Variants in FERMT3 observed in about 807,000 individuals in gnomAD.
FERMT3 encodes the protein FERM domain containing kindlin 3.
In FERMT3, 33 loss-of-function variants were observed where a neutral mutation model predicts 80.8. The observed-to-expected ratio is 0.41, with a 90% CI of 0.31 to 0.55. The LOEUF (loss-of-function observed/expected upper bound fraction) is 0.55. FERMT3 is among the 20% of genes least tolerant of loss of function. The probability of loss-of-function intolerance (pLI) is 0.31; values close to 1 mark genes in which losing one functional copy is unlikely to be tolerated. For missense variants in FERMT3, 754 were observed against 908.7 expected (o/e 0.83, Z 2.19); for synonymous variants, 375 against 372.2 (o/e 1.01, Z -0.09).
chr11:64,206,141 G>A (rs1453921858), upstream of FERMT3, among the ~76,000 whole-genome samples: 1 of 152,204 alleles, frequency 6.6e-6, no homozygotes, highest in Non-Finnish European at 1.5e-5. Context: ...CTGAGGGCCC[G>A]GGAGGTTGTG....
In FERMT3 at chr11:64,219,383, AGG is replaced by A; in HGVS notation, c.894+27_894+28del. ...GGTACCAGGCGGGCCTGGGGGCACC[AGG>A]GCAGGTGGGAGGTGAGCCAGTCCCA... On this transcript the variant is annotated intron_variant, in intron 7 of 14. Transcript: ENST00000345728. This position sits in a 1 kb window ranked among gnomAD's most constrained non-coding sequence, Gnocchi z 4.0. 6.3e-7 allele frequency: 1 copy of A among 1,576,514 alleles called. No individual in the cohort carries two copies. The highest frequency in any genetic ancestry group is 8.6e-7 in the Non-Finnish European group (1 of 1,161,828).
At position 64,220,666 on chromosome 11, in the gene FERMT3, G is replaced by A. The variant is rs2134886600; in HGVS notation, c.1542G>A (p.Lys514=). 6.2e-7 allele frequency: 1 copy of A among 1,609,978 alleles called. No homozygotes were observed. Among genetic ancestry groups the A allele is most frequent in the East Asian group, 2.2e-5 (1 of 44,816 alleles). Residue 514 remains lysine (K), a synonymous_variant, in exon 12 of 15, where the codon AAG becomes AAA. Coordinates refer to ENST00000345728, the MANE Select transcript of FERMT3 (RefSeq NM_031471.6). The part of the protein sequence containing the change: ...APRFQRKFKA[K]QLTPRILEAH... ...GTTTCCAGCGAAAGTTCAAGGCCAAGCAGGTACCAGAAGGCGTCAGGGTGG... is the reference window on the plus strand; with the variant it reads ...GTTTCCAGCGAAAGTTCAAGGCCAAACAGGTACCAGAAGGCGTCAGGGTGG...
chr11:64,217,103 C>A (rs1484645181), intron 6 of FERMT3, among the ~76,000 whole-genome samples: 1 of 152,178 alleles, frequency 6.6e-6, no homozygotes, highest in African/African-American at 2.4e-5. Flanking sequence ...GCCGGGCTGC[C>A]ACTCTTTGTC....
rs1946414667 is a variant in FERMT3, at chr11:64,210,619, C to T, written c.169C>T (p.Gln57Ter). Reference sequence around the variant, plus strand: ...GCCCCCGTGCCCCACAGATCGCAAGCAGGACTGGTCAGACCATGCTATTTG... The same window carrying T: ...GCCCCCGTGCCCCACAGATCGCAAGTAGGACTGGTCAGACCATGCTATTTG... ...LKIVEQINRKQDWSDHAIWWE... is the reference protein window; with the variant it reads ...LKIVEQINRK The change falls in exon 3 of 15, where the codon CAG becomes TAG. Residue 57 changes from glutamine to a stop codon, truncating the protein, a stop_gained. Transcript: ENST00000345728. LOFTEE classifies it high-confidence loss of function. This position sits in a 1 kb window ranked among gnomAD's most constrained non-coding sequence, Gnocchi z 4.3. 6.2e-7 allele frequency: 1 copy of T among 1,613,922 alleles called. No individual in the cohort carries two copies. Among genetic ancestry groups the T allele is most frequent in the East Asian group, 2.2e-5 (1 of 44,872 alleles).
rs1320080637 is a variant in FERMT3, at chr11:64,223,474, G to C, written c.1974G>C (p.Gly658=). ...AAGACCTCTTCCTGCAGCTCACCGG[G>C]GGCCATGAGGCCTTCTGAGGGCTGT... ...LDEDLFLQLT[G]GHEAF is the part of the protein sequence containing the mutation. The change falls in exon 15 of 15, where the codon GGG becomes GGC. Residue 658 remains glycine (G), a synonymous_variant. Transcript: ENST00000345728. 1.9e-6 allele frequency: 3 copies of C among 1,610,446 alleles called. No homozygotes were observed. The South Asian group carries it at 3.3e-5, about 18-fold the overall frequency.
At position 64,207,216 on chromosome 11, in the gene FERMT3, C is replaced by T. The variant is rs1468347998; in HGVS notation, c.-14-135C>T. ...TCTGAGGGTACCACGGGCGTGCTGG[C>T]CTGGGTGCTCACTCCCGCCCTCCTT... On this transcript the variant is annotated intron_variant, in intron 1 of 14. Coordinates refer to ENST00000345728, the MANE Select transcript of FERMT3 (RefSeq NM_031471.6). 2.0e-5 allele frequency: 20 copies of T among 989,450 alleles called. No homozygotes were observed. The Admixed American group carries it at 4.2e-4, about 21-fold the overall frequency. The allele number at this position is 989,450 out of a possible 1,614,324, so 61.3% of individuals were successfully genotyped here.
chr11:64,218,194 C>G (rs1163852953), intron 6 of FERMT3, among the ~76,000 whole-genome samples: 2 of 151,840 alleles, frequency 1.3e-5, no homozygotes, highest in Non-Finnish European at 2.9e-5. Context: ...TTAGTAGAGA[C>G]AGGGTTTCAC....
chr11:64,220,354 G>A (rs754855391), intron 11 of FERMT3, 28 bp downstream of exon 11: 2 of 1,610,078 alleles, frequency 1.2e-6, no homozygotes, highest in Non-Finnish European at 1.7e-6. Flanking sequence ...AGGGGCCAGG[G>A]CCGGGCAGGA....
In FERMT3 at chr11:64,220,591, C is replaced by T; in HGVS notation, c.1467C>T (p.Gly489=). 1.2e-6 allele frequency: 2 copies of T among 1,610,016 alleles called. No homozygotes were observed. The highest frequency in any genetic ancestry group is 1.7e-6 in the Non-Finnish European group (2 of 1,178,634). Residue 489 remains glycine, a synonymous_variant, in exon 12 of 15, where the codon GGC becomes GGT. Transcript: ENST00000345728. The part of the protein sequence containing the change: ...GSGGPGNHPH[G]PDASAEGLNP... ...GGGGCCCGGGCAACCACCCCCACGGCCCTGATGCCTCTGCCGAGGGCCTCA... is the reference window on the plus strand; with the variant it reads ...GGGGCCCGGGCAACCACCCCCACGGTCCTGATGCCTCTGCCGAGGGCCTCA...
In FERMT3 at chr11:64,207,424, G is replaced by A; in HGVS notation, c.60G>A (p.Val20=). 1 of 1,614,194 alleles carries A rather than the reference G, an allele frequency of 6.2e-7. No homozygotes were observed. Among genetic ancestry groups the A allele is most frequent in the South Asian group, 1.1e-5 (1 of 91,088 alleles). The change falls in exon 2 of 15, where the codon GTG becomes GTA. Residue 20 remains valine (V), a synonymous_variant. Transcript: ENST00000345728. The part of the protein sequence containing the change: ...DYIDSSWELR[V]FVGEEDPEAE... ...TCGACTCGTCATGGGAGCTGCGGGT[G>A]TTTGTGGGAGAGGAGGACCCAGAGG... is the stretch of plus-strand genomic sequence containing the variant.
chr11:64,223,012 T>TG lies in FERMT3; in HGVS notation c.1671-34dup, dbSNP rs754281495. 6.8e-6 allele frequency: 11 copies of TG among 1,612,604 alleles called. No homozygotes were observed. In the East Asian group the frequency reaches 2.0e-4, roughly 29 times the overall value. ...CTGGGCGGGCTCTGGCCATGCAGGG[T>TG]GGAGCCCTGGCTCACTCTCTCTCCC... On this transcript the variant is annotated intron_variant, in intron 13 of 14. Transcript: ENST00000345728.
chr11:64,221,128 A>G lies in FERMT3; in HGVS notation c.1658A>G (p.Tyr553Cys). 8.1e-6 allele frequency: 13 copies of G among 1,609,584 alleles called. No individual in the cohort carries two copies. The highest frequency in any genetic ancestry group is 1.1e-5 in the South Asian group (1 of 91,074). Residue 553 changes from tyrosine to cysteine, a missense_variant, in exon 13 of 15, where the codon TAT becomes TGT. Tyr to Cys is a radical substitution (Grantham distance 194). Coordinates refer to ENST00000345728, the MANE Select transcript of FERMT3 (RefSeq NM_031471.6). ...WQSLPDFGISYVMVRFKGSRK... is the reference protein window; with the variant it reads ...WQSLPDFGISCVMVRFKGSRK... ...TCCCTGCCCGACTTCGGCATCTCCT[A>G]TGTCATGGTCAGGTATGGCCCCTGG...
At chr11:64,218,149 G>A (rs905984259) in intron 6 of FERMT3, among the ~76,000 whole-genome samples, 10 of 151,702 alleles carry the variant, frequency 6.6e-5, no homozygotes, top group Non-Finnish European at 1.3e-4. Context: ...GATTACAGGC[G>A]CCCGCCACCA....
In FERMT3 at chr11:64,207,658, C is replaced by CA. The variant is rs1946343248; in HGVS notation, c.160+135dup. On this transcript the variant is annotated intron_variant, in intron 2 of 14. Transcript: ENST00000345728. ...ACGGTGACTCAGGCATTAGCTTAAT[C>CA]ATTTGGTTCCAAAAAAGACATTTCC... 7 of 1,113,976 alleles carry CA rather than the reference C, an allele frequency of 6.3e-6. No individual in the cohort carries two copies. In the Admixed American group the frequency reaches 2.0e-4, roughly 31 times the overall value. The allele number at this position is 1,113,976 out of a possible 1,614,324, so 69.0% of individuals were successfully genotyped here. A position where few individuals can be genotyped will look rare whatever the true frequency, so the allele number is the denominator to read the frequency against.
At chr11:64,217,530 CAA>C (rs1301196243) in intron 6 of FERMT3, among the ~76,000 whole-genome samples, 6 of 151,898 alleles carry the variant, frequency 4.0e-5, no homozygotes, top group Non-Finnish European at 7.4e-5. Flanking sequence ...GCCTGGGCAA[CAA>C]GAGCAAAACT....
chr11:64,206,227 G>A (rs902184205), upstream of FERMT3, among the ~76,000 whole-genome samples: 1 of 152,174 alleles, frequency 6.6e-6, no homozygotes, highest in African/African-American at 2.4e-5. Flanking sequence ...AGCCCTACGC[G>A]GAGCTAGGAA....
At position 64,220,452 on chromosome 11, in the gene FERMT3, G is replaced by T; in HGVS notation, c.1328G>T (p.Arg443Leu). Reference protein sequence around the residue: ...LRCQDEQQYARWMAGCRLASK... With the variant: ...LRCQDEQQYALWMAGCRLASK... ...CTCGCCCAGGAGCAGCAGTATGCCC[G>T]CTGGATGGCTGGCTGCCGCCTGGCC... Residue 443 changes from arginine to leucine, a missense_variant, in exon 12 of 15, where the codon CGC becomes CTC. Physicochemically the swap from Arg to Leu is moderately radical, Grantham distance 102. Coordinates refer to ENST00000345728, the MANE Select transcript of FERMT3 (RefSeq NM_031471.6). 1 of 1,610,296 alleles carries T rather than the reference G, an allele frequency of 6.2e-7. No individual in the cohort carries two copies. The highest frequency in any genetic ancestry group is 8.5e-7 in the Non-Finnish European group (1 of 1,179,060).
intron 6 of FERMT3, among the ~76,000 whole-genome samples, chr11:64,213,827 G>A (rs1420657420): frequency 6.6e-6 from 1 of 152,198 alleles, no homozygotes; most frequent in Non-Finnish European, 1.5e-5. Flanking sequence ...CTCCCAAAGT[G>A]CTGGGATTAC....
chr11:64,221,793 G>A (rs1247938604), intron 13 of FERMT3, among the ~76,000 whole-genome samples: 3 of 151,728 alleles, frequency 2.0e-5, no homozygotes, highest in African/African-American at 7.3e-5. Flanking sequence ...CAGGTGTGGT[G>A]GCACGCACCT....
Sources: gnomAD v4.1 joint callset for allele counts (sites outside exome capture counted in the v4.1 genomes callset) on GRCh38, gnomAD v4.1.1 for gene constraint, Gnocchi (gnomAD v3.1) non-coding constraint, MANE v1.5 for transcripts, NCBI Gene and HGNC (gene_info 2026-07-23, HGNC 2026-07-21) for gene names.